METTL9: variants seen among roughly 807,000 people sequenced by gnomAD.
The protein encoded by METTL9 is methyltransferase 9, His-X-His N1(pi)-histidine.
A neutral mutation model predicts 36.0 loss-of-function variants in METTL9; 10 were observed. The ratio of observed to expected loss-of-function variants is 0.28; its 90% CI spans 0.17 to 0.47. The LOEUF (loss-of-function observed/expected upper bound fraction) is 0.47, where lower values mean the gene tolerates loss of function less well. Among genes scored for constraint, METTL9 ranks in the 20% least tolerant of loss-of-function variants. METTL9 has a pLI of 0.99. For missense variants in METTL9, 246 were observed against 383.5 expected (o/e 0.64, Z 3.00); for synonymous variants, 175 against 149.7 (o/e 1.17, Z -1.23).
intron 4 of METTL9, among the ~76,000 whole-genome samples, chr16:21,638,840 T>C (rs1193432103): frequency 6.6e-6 from 1 of 152,184 alleles, no homozygotes; most frequent in Non-Finnish European, 1.5e-5. Context: ...AAGTTCAGTA[T>C]GACCCGAGGA....
chr16:21,609,941 G>GC (rs879441359), intron 1 of METTL9, among the ~76,000 whole-genome samples: 6 of 152,082 alleles, frequency 3.9e-5, no homozygotes, highest in Non-Finnish European at 8.8e-5. Context: ...ACTGCCACCT[G>GC]CATATTTAGG....
chr16:21,626,919 T>A (rs1013148347), intron 4 of METTL9: 1 of 977,708 alleles, frequency 1.0e-6, no homozygotes, highest in Non-Finnish European at 1.2e-6. Context: ...TTTTATTTCC[T>A]TGTGTTTCTG....
At chr16:21,635,908 T>C (rs1966079995) in intron 4 of METTL9, among the ~76,000 whole-genome samples, 1 of 152,192 alleles carries the variant, frequency 6.6e-6, no homozygotes. Context: ...CAAGGAGGAC[T>C]GAGGAAGGCC....
rs150110933 is a variant in METTL9 at position 21,643,583 on chromosome 16, G to T, written c.752-11644G>T. On this transcript the variant is annotated intron_variant, in intron 4 of 4. Transcript: ENST00000358154. ...TCTTCTTTTATTTCTTTGTTTCTTAGAGGGTTGGATTTTGACTGCCAAGAA... is the reference window on the plus strand; with the variant it reads ...TCTTCTTTTATTTCTTTGTTTCTTATAGGGTTGGATTTTGACTGCCAAGAA... 10 of 1,607,054 alleles carry T rather than the reference G, an allele frequency of 6.2e-6. No individual in the cohort carries two copies. In the African/African-American group the frequency reaches 1.3e-4, roughly 22 times the overall value.
intron 1 of METTL9, among the ~76,000 whole-genome samples, chr16:21,609,615 G>A (rs946340084): frequency 6.6e-6 from 1 of 152,054 alleles, no homozygotes; most frequent in Non-Finnish European, 1.5e-5. Context: ...ATGTTGGGGG[G>A]CAGAGCAAAT....
At chr16:21,631,757 C>T (rs2141596732) in intron 4 of METTL9, among the ~76,000 whole-genome samples, 1 of 152,140 alleles carries the variant, frequency 6.6e-6, no homozygotes, top group African/African-American at 2.4e-5. Context: ...TGCTTTCGCG[C>T]TACGCCCTTG....
chr16:21,611,856 T>G (rs1232643605), intron 1 of METTL9, among the ~76,000 whole-genome samples: 1 of 152,214 alleles, frequency 6.6e-6, no homozygotes, highest in Non-Finnish European at 1.5e-5. Context: ...TATGAAAGAT[T>G]AAATTTCATC....
intron 4 of METTL9, among the ~76,000 whole-genome samples, chr16:21,629,396 C>G (rs1168518167): frequency 6.6e-6 from 1 of 152,136 alleles, no homozygotes; most frequent in Non-Finnish European, 1.5e-5. Flanking sequence ...AAGGATACAA[C>G]AAGAGGTCAG....
At position 21,656,951 on chromosome 16, in the gene METTL9, C is replaced by T. The variant is rs917897436; in HGVS notation, c.*1519C>T. On this transcript the variant is annotated 3_prime_UTR_variant, in exon 5 of 5. Transcript: ENST00000358154. The stretch of plus-strand genomic sequence containing the variant: ...AATTCAAGTAAGTGAAGTACAAATA[C>T]TTAGCACCATAGATTGTAAAAATAG... The T allele has an allele frequency of 2.0e-5, 3 of 151,988 alleles. No individual in the cohort carries two copies. The highest frequency in any genetic ancestry group is 7.3e-5 in the African/African-American group (3 of 41,362). The allele number at this position is 151,988 out of a possible 1,614,324, so 9.4% of individuals were successfully genotyped here. A position where few individuals can be genotyped will look rare whatever the true frequency, so the allele number is the denominator to read the frequency against.
rs143428155 is a variant in METTL9 at position 21,628,030 on chromosome 16, A to G, written c.751+2915A>G. Reference sequence around the variant, plus strand: ...TGTTCAGGTTTCTTGAATATTCTTTAAAAGATAGTCTATGTAAATGTAAGT... The same window carrying G: ...TGTTCAGGTTTCTTGAATATTCTTTGAAAGATAGTCTATGTAAATGTAAGT... On this transcript the variant is annotated intron_variant, in intron 4 of 4. Transcript: ENST00000358154. Among the ~76,000 whole-genome samples, 12 of 152,326 alleles carry G rather than the reference A, an allele frequency of 7.9e-5. No individual in the cohort carries two copies. In the East Asian group the frequency reaches 2.3e-3, roughly 29 times the overall value.
In METTL9 at chr16:21,639,144, G is replaced by C. The variant is rs1045053178; in HGVS notation, c.751+14029G>C. ...GAAAATATATACTTTTGGTGAGATA[G>C]ATGAATAAATGAATGAATACTGTGT... On this transcript the variant is annotated intron_variant, in intron 4 of 4. Coordinates refer to ENST00000358154, the MANE Select transcript of METTL9 (RefSeq NM_016025.5). Among the ~76,000 whole-genome samples the C allele has an allele frequency of 1.3e-5, 2 of 152,170 alleles. 1 individual carries two copies. The highest frequency in any genetic ancestry group is 4.8e-5 in the African/African-American group (2 of 41,430).
intron 4 of METTL9, among the ~76,000 whole-genome samples, chr16:21,629,674 A>G (rs1965900142): frequency 6.6e-6 from 1 of 152,222 alleles, no homozygotes; most frequent in South Asian, 2.1e-4. Context: ...AAGCGTGAGC[A>G]GCAGTAAGAT....
intron 4 of METTL9, among the ~76,000 whole-genome samples, chr16:21,635,980 C>A (rs1156490114): frequency 6.6e-6 from 1 of 152,108 alleles, no homozygotes; most frequent in Non-Finnish European, 1.5e-5. Flanking sequence ...TCCTCGTAGA[C>A]CACAAAGACT....
intron 4 of METTL9, among the ~76,000 whole-genome samples, chr16:21,634,605 TC>T (rs1966040752): frequency 6.6e-6 from 1 of 152,192 alleles, no homozygotes; most frequent in Non-Finnish European, 1.5e-5. Flanking sequence ...TTTGGGCCTG[TC>T]CCTATTATAG....
chr16:21,617,723 T>C lies in METTL9; in HGVS notation c.357-142T>C, dbSNP rs1235692636. On this transcript the variant is annotated intron_variant, in intron 2 of 4. Transcript: ENST00000358154. ...CAGCCTGAGTGACAGAGTGAGACCT[T>C]GTCTAAAAAAAAAAAAAATCTTAAC... The C allele has an allele frequency of 5.7e-6, 4 of 707,284 alleles. No homozygotes were observed. The East Asian group carries it at 1.1e-4, about 20-fold the overall frequency. The allele number at this position is 707,284 out of a possible 1,614,324, so 43.8% of individuals were successfully genotyped here. A position where few individuals can be genotyped will look rare whatever the true frequency, so the allele number is the denominator to read the frequency against.
intron 1 of METTL9, among the ~76,000 whole-genome samples, chr16:21,607,542 C>A (rs1965320417): frequency 6.6e-6 from 1 of 152,144 alleles, no homozygotes; most frequent in African/African-American, 2.4e-5. Flanking sequence ...TTGCTATTTA[C>A]TGTAATTTTT....
At chr16:21,608,534 T>G (rs1262369979) in intron 1 of METTL9, among the ~76,000 whole-genome samples, 1 of 152,176 alleles carries the variant, frequency 6.6e-6, no homozygotes, top group African/African-American at 2.4e-5. Context: ...GAAACACTAC[T>G]GGAGAGTCAG....
intron 4 of METTL9, chr16:21,654,035 T>C (rs190675153): frequency 1.4e-5 from 2 of 144,700 alleles, no homozygotes; most frequent in East Asian, 4.5e-4. Flanking sequence ...CAGTCTGTTT[T>C]GTTTTTTTTT....
intron 4 of METTL9, chr16:21,647,508 GA>G: frequency 1.3e-6 from 2 of 1,598,174 alleles, no homozygotes; most frequent in Non-Finnish European, 1.7e-6. Flanking sequence ...GGAGGAAGCA[GA>G]TGAGTGGGTT....
Sources: allele counts gnomAD v4.1 joint callset (sites outside exome capture counted in the v4.1 genomes callset), GRCh38; gene constraint gnomAD v4.1.1; transcripts MANE v1.5; gene names NCBI Gene and HGNC (gene_info 2026-07-23, HGNC 2026-07-21).